FRYL: variants seen among roughly 807,000 people sequenced by gnomAD.
FRYL encodes the protein FRY like transcription coactivator.
Under a neutral mutation model 351.2 loss-of-function variants are expected in FRYL, and 150 were observed. The ratio of observed to expected loss-of-function variants is 0.43; its 90% CI spans 0.37 to 0.49. The LOEUF is 0.49. Among genes scored for constraint, FRYL ranks in the 20% least tolerant of loss-of-function variants. The pLI is 0.00. For synonymous variants in FRYL, 1,153 were observed against 1,257.1 expected (o/e 0.92, Z 1.75); for missense variants, 3,036 against 3,619.3 (o/e 0.84, Z 4.13).
intron 57 of FRYL, 123 bp from the exon 58 acceptor site, chr4:48,511,107 A>C: frequency 1.8e-6 from 1 of 554,644 alleles, no homozygotes; most frequent in Non-Finnish European, 3.1e-6. Flanking sequence ...TAGAACTTTA[A>C]TCATTGATCT....
chr4:48,583,783 T>C (rs1427744143), intron 19 of FRYL, among the ~76,000 whole-genome samples: 2 of 151,606 alleles, frequency 1.3e-5, no homozygotes, highest in Non-Finnish European at 2.9e-5. Flanking sequence ...TGCACGCCTG[T>C]AATCCCAGCT....
At chr4:48,606,791 C>A (rs1449007893) in intron 9 of FRYL, among the ~76,000 whole-genome samples, 185 bp from the exon 10 acceptor site, 4 of 152,084 alleles carry the variant, frequency 2.6e-5, no homozygotes, top group African/African-American at 7.2e-5. Context: ...CTGTTCATTT[C>A]TTTTAAAATT....
chr4:48,765,993 A>G (rs1774899324), intron 1 of FRYL, among the ~76,000 whole-genome samples: 1 of 152,214 alleles, frequency 6.6e-6, no homozygotes, highest in Non-Finnish European at 1.5e-5. Flanking sequence ...AGTGTTGGTG[A>G]GGATGTGGAG....
At chr4:48,723,623 T>G (rs1769736746) in intron 1 of FRYL, among the ~76,000 whole-genome samples, 1 of 152,114 alleles carries the variant, frequency 6.6e-6, no homozygotes, top group Non-Finnish European at 1.5e-5. Flanking sequence ...TCAACCCTAT[T>G]TTCAAAATAC....
At chr4:48,657,857 T>C (rs1351982480) in intron 3 of FRYL, among the ~76,000 whole-genome samples, 2 of 152,222 alleles carry the variant, frequency 1.3e-5, no homozygotes, top group Non-Finnish European at 1.5e-5. Context: ...TACTAAAGAT[T>C]TGACACAAAA....
At position 48,567,305 on chromosome 4, in the gene FRYL, T is replaced by C. The variant is rs758102714; in HGVS notation, c.3112A>G (p.Lys1038Glu). 3.7e-6 allele frequency: 6 copies of C among 1,612,914 alleles called. No individual in the cohort carries two copies. Residue 1038 changes from lysine (K) to glutamate (E), a missense_variant, in exon 28 of 64, where the codon AAG becomes GAG. Physicochemically the swap from Lys to Glu is moderately conservative, Grantham distance 56. Transcript: ENST00000358350. This position sits in a 1 kb window ranked among gnomAD's most constrained non-coding sequence, Gnocchi z 4.2. The stretch of plus-strand genomic sequence containing the variant: ...GCACTAAAATGGCATCGTATATCCT[T>C]CAGTGTGTCAGAGTCTTTTTCATTT... Reference protein sequence around the residue: ...AENEKDSDTLKDIRCHFSALV... With the variant: ...AENEKDSDTLEDIRCHFSALV...
chr4:48,551,622 G>C (rs1036212602), intron 36 of FRYL, 44 bp from the exon 37 acceptor site: 2 of 1,181,900 alleles, frequency 1.7e-6, no homozygotes, highest in African/African-American at 3.0e-5. Flanking sequence ...TACAAACCTG[G>C]AATAACCCAA....
rs1767890680 is a variant in FRYL, at chr4:48,710,573, A to G, written c.-258T>C. ...TTTGTAGAAAAGACACCAAGTTTGG[A>G]AAGGATCCATCTAGAAGCTTTTTTG... On this transcript the variant is annotated 5_prime_UTR_variant, in exon 2 of 64. Coordinates refer to ENST00000358350, the MANE Select transcript of FRYL (RefSeq NM_015030.2). The G allele has an allele frequency of 2.5e-6, 1 of 398,508 alleles. No individual in the cohort carries two copies. The highest frequency in any genetic ancestry group is 4.4e-5 in the Admixed American group (1 of 22,712). 24.7% of individuals were successfully genotyped at this position (398,508 alleles called of 1,614,324 possible).
chr4:48,508,532 A>C (rs548290276), intron 59 of FRYL, among the ~76,000 whole-genome samples: 13 of 152,294 alleles, frequency 8.5e-5, no homozygotes, highest in Non-Finnish European at 1.6e-4. Context: ...ATTGCTTTAA[A>C]ACCAACCACC....
intron 37 of FRYL, 43 bp from the exon 38 acceptor site, chr4:48,550,747 A>C (rs2148988131): frequency 7.9e-7 from 1 of 1,265,918 alleles, no homozygotes; most frequent in East Asian, 2.3e-5. Flanking sequence ...TCACGGTGCA[A>C]TGGTATTTAT....
chr4:48,594,561 G>C (rs563394714), intron 15 of FRYL, among the ~76,000 whole-genome samples: 56 of 152,266 alleles, frequency 3.7e-4, no homozygotes, highest in Non-Finnish European at 1.6e-4. Context: ...TTGAACACTT[G>C]ATCTAAAGCA....
At chr4:48,745,405 G>A (rs917947600) in intron 1 of FRYL, among the ~76,000 whole-genome samples, 115 of 152,130 alleles carry the variant, frequency 7.6e-4, no homozygotes, top group Admixed American at 2.1e-3. Flanking sequence ...CATATACACC[G>A]TGGAATACTA....
chr4:48,586,711 T>C lies in FRYL; in HGVS notation c.1658A>G (p.Lys553Arg). ...EDMITGERKP[K>R]IDLFRTCIAA... The stretch of plus-strand genomic sequence containing the variant: ...AATACAAGTTCTAAACAAATCAATC[T>C]TGGGTTTTCTTTCCCCCCTGAAAAA... The change falls in exon 19 of 64, where the codon AAG becomes AGG. Residue 553 changes from lysine to arginine, a missense_variant. By Grantham distance (26) the Lys-to-Arg change is conservative (BLOSUM62 2). This residue lies in a region of FRYL where 78 missense variants were observed against 106.6 expected (regional missense o/e 0.73). Transcript: ENST00000358350. 3.7e-6 allele frequency: 6 copies of C among 1,607,918 alleles called. No homozygotes were observed. Among genetic ancestry groups the C allele is most frequent in the Non-Finnish European group, 5.1e-6 (6 of 1,176,972 alleles).
chr4:48,594,389 G>A (rs1434696057), intron 15 of FRYL, among the ~76,000 whole-genome samples: 1 of 152,020 alleles, frequency 6.6e-6, no homozygotes, highest in Non-Finnish European at 1.5e-5. Context: ...GCTCTAGGAA[G>A]GAAATCTCCC....
At chr4:48,750,985 C>A (rs539419742) in intron 1 of FRYL, among the ~76,000 whole-genome samples, 6 of 152,278 alleles carry the variant, frequency 3.9e-5, no homozygotes, top group Admixed American at 1.3e-4. Flanking sequence ...TGACTTCAGG[C>A]TGAGCAACAC....
At chr4:48,762,906 C>T (rs1359392207) in intron 1 of FRYL, among the ~76,000 whole-genome samples, 3 of 151,860 alleles carry the variant, frequency 2.0e-5, no homozygotes, top group African/African-American at 4.8e-5. Flanking sequence ...ATAATGATGA[C>T]TCTGGCTATG....
chr4:48,709,268 C>T (rs1767753583), intron 2 of FRYL, among the ~76,000 whole-genome samples: 1 of 152,056 alleles, frequency 6.6e-6, no homozygotes, highest in Non-Finnish European at 1.5e-5. Flanking sequence ...AATCACTGAT[C>T]TAAGATGTAG....
chr4:48,533,791 C>A (rs1227603105), intron 49 of FRYL, among the ~76,000 whole-genome samples: 1 of 152,188 alleles, frequency 6.6e-6, no homozygotes, highest in Non-Finnish European at 1.5e-5. Context: ...TAATTTTCCA[C>A]TTTCTAAATA....
chr4:48,771,374 T>C (rs1252915839), intron 1 of FRYL, among the ~76,000 whole-genome samples: 4 of 152,176 alleles, frequency 2.6e-5, no homozygotes, highest in Non-Finnish European at 4.4e-5. Flanking sequence ...TTACAAGCAA[T>C]CTCATAGTGC....
Sources: allele counts gnomAD v4.1 joint callset (sites outside exome capture counted in the v4.1 genomes callset), GRCh38; gene constraint gnomAD v4.1.1; regional missense constraint gnomAD v4.1.1; non-coding constraint Gnocchi (gnomAD v3.1); transcripts MANE v1.5; gene names NCBI Gene and HGNC (gene_info 2026-07-23, HGNC 2026-07-21).